The following VAMP7 variants were observed in gnomAD, a reference collection of about 807,000 sequenced individuals.
The protein encoded by VAMP7 is vesicle associated membrane protein 7, also known as vesicle-associated membrane protein 7.
A neutral mutation model predicts 29.6 loss-of-function variants in VAMP7; 14 were observed. The observed-to-expected ratio is 0.47, with a 90% CI of 0.31 to 0.74. The LOEUF (loss-of-function observed/expected upper bound fraction) is 0.74. VAMP7 is among the 30% of genes least tolerant of loss of function. The probability of loss-of-function intolerance (pLI) is 0.05; values close to 1 mark genes in which losing one functional copy is unlikely to be tolerated. For synonymous variants in VAMP7, 95 were observed against 88.1 expected, an observed-to-expected ratio of 1.08 and a Z score of -0.44; for missense variants, 223 against 262.4, an observed-to-expected ratio of 0.85 and a Z score of 1.04.
chrX:155,882,986 C>T (rs1235896079), intron 1 of VAMP7, among the ~76,000 whole-genome samples: 1 of 152,206 alleles, frequency 6.6e-6, no homozygotes, highest in Admixed American at 6.5e-5. Flanking sequence ...AACATTAAGA[C>T]ATTTCCTGAG....
At chrX:155,904,258 G>C (rs1325722758) in intron 5 of VAMP7, among the ~76,000 whole-genome samples, 1 of 151,210 alleles carries the variant, frequency 6.6e-6, no homozygotes, top group Non-Finnish European at 1.5e-5. Flanking sequence ...AATGCTAAAT[G>C]ACGAGTTAAT....
At chrX:155,931,709 T>C (rs1408304477) in intron 6 of VAMP7, among the ~76,000 whole-genome samples, 1 of 152,196 alleles carries the variant, frequency 6.6e-6, no homozygotes, top group Admixed American at 6.5e-5. Context: ...AGAAGCTCCT[T>C]AATTAGATCC....
At chrX:155,891,656 C>G (rs2065926654) in intron 2 of VAMP7, among the ~76,000 whole-genome samples, 2 of 152,242 alleles carry the variant, frequency 1.3e-5, no homozygotes. Flanking sequence ...ATTTCAAAGA[C>G]TCCCTATTCT....
intron 2 of VAMP7, among the ~76,000 whole-genome samples, chrX:155,895,287 G>A (rs974688014): frequency 3.3e-5 from 5 of 152,156 alleles, no homozygotes; most frequent in African/African-American, 1.2e-4. Flanking sequence ...ATGGCCTATT[G>A]GGGGTTAATC....
At chrX:155,892,338 T>A (rs371973105) in intron 2 of VAMP7, among the ~76,000 whole-genome samples, 2 of 152,184 alleles carry the variant, frequency 1.3e-5, no homozygotes, top group African/African-American at 4.8e-5. Context: ...AGGGCAGTTC[T>A]GATCATATTC....
In VAMP7 at chrX:155,943,619, C is replaced by T. The variant is rs1477147046; in HGVS notation, c.*1668C>T. On this transcript the variant is annotated 3_prime_UTR_variant, in exon 8 of 8. Coordinates refer to ENST00000286448, the MANE Select transcript of VAMP7 (RefSeq NM_005638.6). ...AGCTTATTTCCCTTTCTTATACACA[C>T]CTGAATAAAATTGATGTGCATGTTT... 6.6e-6 allele frequency: 1 copy of T among 152,058 alleles called. No individual in the cohort carries two copies. Among genetic ancestry groups the T allele is most frequent in the Non-Finnish European group, 1.5e-5 (1 of 68,004 alleles). 9.4% of individuals were successfully genotyped at this position (152,058 alleles called of 1,614,324 possible). A position where few individuals can be genotyped will look rare whatever the true frequency, so the allele number is the denominator to read the frequency against.
At chrX:155,908,227 C>T (rs2066178866) in intron 5 of VAMP7, among the ~76,000 whole-genome samples, 1 of 152,202 alleles carries the variant, frequency 6.6e-6, no homozygotes, top group Non-Finnish European at 1.5e-5. Context: ...GTGGAGGTTG[C>T]AGCGAGCCGA....
At chrX:155,905,275 T>G (rs1272802193) in intron 5 of VAMP7, among the ~76,000 whole-genome samples, 5 of 152,140 alleles carry the variant, frequency 3.3e-5, no homozygotes, top group Admixed American at 1.3e-4. Flanking sequence ...GTTATTTGTC[T>G]TTTTATGGTT....
intron 5 of VAMP7, among the ~76,000 whole-genome samples, chrX:155,911,607 T>C (rs1295386124): frequency 6.6e-6 from 1 of 152,148 alleles, no homozygotes; most frequent in Non-Finnish European, 1.5e-5. Context: ...TCTGTATCTT[T>C]GTGTCATCTT....
chrX:155,918,093 C>T (rs1347945463), intron 5 of VAMP7, among the ~76,000 whole-genome samples: 1 of 152,158 alleles, frequency 6.6e-6, no homozygotes, highest in African/African-American at 2.4e-5. Context: ...TTCCTGGCCA[C>T]TCTGTTTACA....
chrX:155,905,837 CTT>C (rs2066139409), intron 5 of VAMP7, among the ~76,000 whole-genome samples: 1 of 152,080 alleles, frequency 6.6e-6, no homozygotes, highest in Admixed American at 6.5e-5. Context: ...CATCTTCCAA[CTT>C]TATTCTTTCT....
chrX:155,939,452 C>G (rs185372818), intron 6 of VAMP7, among the ~76,000 whole-genome samples: 1 of 152,228 alleles, frequency 6.6e-6, no homozygotes, highest in African/African-American at 2.4e-5. Flanking sequence ...TGGTGCTCAA[C>G]ATCATGTGCA....
chrX:155,918,404 A>T (rs192486062), intron 5 of VAMP7, among the ~76,000 whole-genome samples: 1 of 152,212 alleles, frequency 6.6e-6, no homozygotes, highest in East Asian at 1.9e-4. Flanking sequence ...ATGGCCGCCC[A>T]GTTTTGTGCT....
chrX:155,911,768 T>C (rs2066240958), intron 5 of VAMP7, among the ~76,000 whole-genome samples: 1 of 152,196 alleles, frequency 6.6e-6, no homozygotes, highest in Non-Finnish European at 1.5e-5. Context: ...AAGTTGATTA[T>C]TGATGCATAG....
chrX:155,904,052 G>T lies in VAMP7; in HGVS notation c.433+3465G>T, dbSNP rs1602947287. On this transcript the variant is annotated intron_variant, in intron 5 of 7. Coordinates refer to ENST00000286448, the MANE Select transcript of VAMP7 (RefSeq NM_005638.6). ...AAAAAATGATGAGTTCATGTCCTTT[G>T]TAGGGACATGGATGAAATTGGAAAT... Among the ~76,000 whole-genome samples, 2 of 152,046 alleles carry T rather than the reference G, an allele frequency of 1.3e-5. 1 individual carries two copies. Among genetic ancestry groups the T allele is most frequent in the Middle Eastern group, 6.8e-3 (2 of 294 alleles).
chrX:155,918,510 T>G (rs1051837962), intron 5 of VAMP7, among the ~76,000 whole-genome samples: 1 of 152,070 alleles, frequency 6.6e-6, no homozygotes, highest in Non-Finnish European at 1.5e-5. Context: ...TGGGCCAGAG[T>G]GCACCATTCC....
At chrX:155,932,673 C>T (rs1366930718) in intron 6 of VAMP7, among the ~76,000 whole-genome samples, 1 of 152,160 alleles carries the variant, frequency 6.6e-6, no homozygotes, top group African/African-American at 2.4e-5. Context: ...TTGATTTCCT[C>T]TTTTCATAAT....
chrX:155,941,910 C>G lies in VAMP7; in HGVS notation c.622C>G (p.Leu208Val), dbSNP rs1306133232. The stretch of plus-strand genomic sequence containing the variant: ...GTTCATCTATATCATTGTTTCACCT[C>G]TCTGTGGTGGATTTACATGGCCAAG... ...IVFIYIIVSP[L>V]CGGFTWPSCV... Residue 208 changes from leucine (L) to valine (V), a missense_variant, in exon 8 of 8, where the codon CTC (leucine) becomes GTC (valine). Transcript: ENST00000286448. 3.1e-6 allele frequency: 5 copies of G among 1,613,748 alleles called. No homozygotes were observed. The highest frequency in any genetic ancestry group is 4.2e-6 in the Non-Finnish European group (5 of 1,179,784).
At chrX:155,900,644 C>T (rs1461248678) in intron 5 of VAMP7, 57 bp downstream of exon 5, 8 of 1,466,442 alleles carry the variant, frequency 5.5e-6, no homozygotes, top group African/African-American at 1.4e-5. Flanking sequence ...GATTACTTGA[C>T]TGGGGTCAAA....
Sources: gnomAD v4.1 joint callset for allele counts (sites outside exome capture counted in the v4.1 genomes callset) on GRCh38, gnomAD v4.1.1 for gene constraint, MANE v1.5 for transcripts, NCBI Gene and HGNC (gene_info 2026-07-23, HGNC 2026-07-21) for gene names.